Variants in SPATA9 observed in about 807,000 individuals in gnomAD.
SPATA9 encodes spermatogenesis associated 9, also known as spermatogenesis-associated protein 9.
In SPATA9, 27 loss-of-function variants were observed where a neutral mutation model predicts 25.5. That is an observed-to-expected ratio of 1.06 (90% CI 0.78 to 1.46). The LOEUF is 1.46. Among genes scored for constraint, SPATA9 ranks in the 40% most tolerant of loss-of-function variants. The pLI is 0.00. For synonymous variants in SPATA9, 102 were observed against 105.7 expected (o/e 0.97, Z 0.21); for missense variants, 282 against 297.5 (o/e 0.95, Z 0.38).
At chr5:95,724,317 G>A in the SPATA9 span, among the ~76,000 whole-genome samples, 2 of 152,170 alleles carry the variant, frequency 1.3e-5, no homozygotes, top group African/African-American at 2.4e-5. Flanking sequence ...TTTCCCGCTT[G>A]CAAAATGTTA....
the SPATA9 span, among the ~76,000 whole-genome samples, chr5:95,720,271 G>A: frequency 6.6e-6 from 1 of 152,232 alleles, no homozygotes; most frequent in South Asian, 2.1e-4. Flanking sequence ...CAGCCCAGCT[G>A]GCCTCTCCCC....
the SPATA9 span, among the ~76,000 whole-genome samples, chr5:95,704,926 TC>T: frequency 1.3e-5 from 2 of 151,262 alleles, no homozygotes; most frequent in Non-Finnish European, 2.9e-5. Flanking sequence ...GGGGTATTAA[TC>T]CCATACATGA....
chr5:95,652,266 C>G, downstream of SPATA9: 1 of 1,549,774 alleles, frequency 6.5e-7, no homozygotes, highest in Non-Finnish European at 8.7e-7. Context: ...TCCACCTGAC[C>G]TCTAAATGTT....
downstream of SPATA9, chr5:95,654,403 CAAAT>C (rs775354222): frequency 1.2e-5 from 16 of 1,342,582 alleles, no homozygotes; most frequent in South Asian, 5.1e-5. Context: ...GCAAATTCAG[CAAAT>C]AAATATATTC....
upstream of SPATA9, among the ~76,000 whole-genome samples, chr5:95,685,606 C>T (rs1377338917): frequency 6.6e-6 from 1 of 152,082 alleles, no homozygotes. Context: ...TGTTTAAAAA[C>T]GTCAAAGTAA....
At chr5:95,699,704 A>G (rs778223881), upstream of SPATA9, among the ~76,000 whole-genome samples, 3 of 152,226 alleles carry the variant, frequency 2.0e-5, no homozygotes, top group African/African-American at 7.2e-5. Flanking sequence ...GGATTGGAAA[A>G]TAGTAGAAAT....
At chr5:95,700,655 T>C (rs1754158703), upstream of SPATA9, among the ~76,000 whole-genome samples, 1 of 152,002 alleles carries the variant, frequency 6.6e-6, no homozygotes, top group African/African-American at 2.4e-5. Context: ...CTCAAACTCC[T>C]GGCCTCAGCG....
the SPATA9 span, among the ~76,000 whole-genome samples, chr5:95,716,258 C>G: frequency 6.6e-6 from 1 of 152,226 alleles, no homozygotes; most frequent in Admixed American, 6.5e-5. Context: ...ACGCTCAACG[C>G]CAGCCCATGA....
chr5:95,713,215 C>A, the SPATA9 span, among the ~76,000 whole-genome samples: 1 of 151,950 alleles, frequency 6.6e-6, no homozygotes, highest in African/African-American at 2.4e-5. Context: ...CACTTGAGTC[C>A]ATCAAGCTAT....
chr5:95,684,098 C>T (rs938193647), upstream of SPATA9, among the ~76,000 whole-genome samples: 2 of 152,126 alleles, frequency 1.3e-5, no homozygotes, highest in African/African-American at 4.8e-5. Context: ...CTCCGCCATA[C>T]CACATTCACC....
intron 1 of SPATA9, among the ~76,000 whole-genome samples, chr5:95,697,079 C>T (rs1305189801): frequency 6.6e-6 from 1 of 152,174 alleles, no homozygotes; most frequent in Non-Finnish European, 1.5e-5. Context: ...AACTCAGCAA[C>T]TTAAAACAAT....
the SPATA9 span, among the ~76,000 whole-genome samples, chr5:95,707,346 C>G: frequency 6.6e-6 from 1 of 151,922 alleles, no homozygotes; most frequent in Non-Finnish European, 1.5e-5. Context: ...TTGTTGTACC[C>G]GAGCGAGTTA....
chr5:95,705,103 C>CCTGGCTATT, the SPATA9 span, among the ~76,000 whole-genome samples: 1 of 148,774 alleles, frequency 6.7e-6, no homozygotes, highest in South Asian at 2.2e-4. Context: ...CACCACTGCA[C>CCTGGCTATT]CTGGCTATTT....
the SPATA9 span, among the ~76,000 whole-genome samples, chr5:95,726,716 C>T: frequency 9.2e-5 from 14 of 152,196 alleles, no homozygotes; most frequent in Admixed American, 9.2e-4. Context: ...AACACTGTCT[C>T]CCTTGGTTCC....
intron 3 of SPATA9, among the ~76,000 whole-genome samples, chr5:95,673,419 A>G (rs184508582): frequency 6.6e-6 from 1 of 152,156 alleles, no homozygotes; most frequent in East Asian, 1.9e-4. Flanking sequence ...TATGTGTACA[A>G]TTGTGGCAGG....
chr5:95,700,587 C>T (rs1243275070), upstream of SPATA9, among the ~76,000 whole-genome samples: 1 of 149,686 alleles, frequency 6.7e-6, no homozygotes, highest in Admixed American at 6.7e-5. Flanking sequence ...CTTGAGCCAC[C>T]GCGCCTGGCC....
At chr5:95,722,991 G>A in the SPATA9 span, among the ~76,000 whole-genome samples, 884 of 152,282 alleles carry the variant, frequency 5.8e-3, 5 homozygotes, top group Middle Eastern at 0.02. Flanking sequence ...TGAGCACAAT[G>A]ATAGAGGTGG....
intron 2 of SPATA9, among the ~76,000 whole-genome samples, chr5:95,676,090 G>T (rs1752924804): frequency 1.3e-5 from 2 of 151,984 alleles, no homozygotes; most frequent in Admixed American, 1.3e-4. Context: ...CCAAAGTACT[G>T]GGATTACAGG....
the SPATA9 span, among the ~76,000 whole-genome samples, chr5:95,723,272 T>C: frequency 6.6e-6 from 1 of 152,264 alleles, no homozygotes; most frequent in Non-Finnish European, 1.5e-5. Flanking sequence ...AAAGCCATCC[T>C]GGGCCACATG....
Sources: allele counts gnomAD v4.1 joint callset (sites outside exome capture counted in the v4.1 genomes callset), GRCh38; gene constraint gnomAD v4.1.1; transcripts MANE v1.5; gene names NCBI Gene and HGNC (gene_info 2026-07-23, HGNC 2026-07-21).